TMEM229B: variants seen among roughly 807,000 people sequenced by gnomAD.
TMEM229B encodes chromosome 14 open reading frame 83.
In TMEM229B, 6 loss-of-function variants were observed where a neutral mutation model predicts 13.7. The observed-to-expected ratio is 0.44, with a 90% CI of 0.24 to 0.86. The LOEUF (loss-of-function observed/expected upper bound fraction) is 0.86. Among genes scored for constraint, TMEM229B ranks in the 40% least tolerant of loss-of-function variants. The probability of loss-of-function intolerance (pLI) is 0.23; values close to 1 mark genes in which losing one functional copy is unlikely to be tolerated. For missense variants in TMEM229B, 170 were observed against 236.0 expected (o/e 0.72, Z 1.83); for synonymous variants, 107 against 102.1 (o/e 1.05, Z -0.29).
At chr14:67,477,209 G>A (rs2031270950) in intron 2 of TMEM229B, among the ~76,000 whole-genome samples, 1 of 151,376 alleles carries the variant, frequency 6.6e-6, no homozygotes, top group Non-Finnish European at 1.5e-5. Context: ...ATTTCCTAAT[G>A]AAACACAACA....
chr14:67,470,734 G>A lies in TMEM229B; in HGVS notation c.*2686C>T, dbSNP rs1177534191. The A allele has an allele frequency of 1.3e-5, 2 of 152,448 alleles. No individual in the cohort carries two copies. Among genetic ancestry groups the A allele is most frequent in the African/African-American group, 4.9e-5 (2 of 41,160 alleles). The allele number at this position is 152,448 out of a possible 1,614,324, so 9.4% of individuals were successfully genotyped here. On this transcript the variant is annotated 3_prime_UTR_variant, in exon 3 of 3. Transcript: ENST00000554480. Reference sequence around the variant, plus strand: ...CTCACTGGCATTGAAGAGGGGACAGGGCACATGGGATGCCTAGCAGATGTC... The same window carrying A: ...CTCACTGGCATTGAAGAGGGGACAGAGCACATGGGATGCCTAGCAGATGTC...
rs2030882687 is a variant in TMEM229B at position 67,473,195 on chromosome 14, A to G, written c.*225T>C. ...CCCTGAACTGGGCCGCGATCCATGGACCCTTCCCAATGTCCCTCTGCTGCC... is the reference window on the plus strand; with the variant it reads ...CCCTGAACTGGGCCGCGATCCATGGGCCCTTCCCAATGTCCCTCTGCTGCC... On this transcript the variant is annotated 3_prime_UTR_variant, in exon 3 of 3. Transcript: ENST00000554480. This position sits in a 1 kb window ranked among gnomAD's most constrained non-coding sequence, Gnocchi z 6.5. 8.4e-6 allele frequency: 5 copies of G among 595,200 alleles called. No individual in the cohort carries two copies. In the South Asian group the frequency reaches 1.0e-4, roughly 12 times the overall value. The allele number at this position is 595,200 out of a possible 1,614,324, so 36.9% of individuals were successfully genotyped here.
At chr14:67,527,363 G>A (rs1265517478) in intron 1 of TMEM229B, among the ~76,000 whole-genome samples, 2 of 152,108 alleles carry the variant, frequency 1.3e-5, no homozygotes, top group African/African-American at 4.8e-5. Context: ...GTTTCAGCTC[G>A]GGAGCCGGAG....
chr14:67,532,264 G>C (rs998174991), intron 1 of TMEM229B, among the ~76,000 whole-genome samples: 26 of 152,310 alleles, frequency 1.7e-4, no homozygotes, highest in Middle Eastern at 3.4e-3. Context: ...TGGTGCCTGG[G>C]ATGAGTCTTC....
chr14:67,497,828 G>A (rs2032452165), intron 1 of TMEM229B, among the ~76,000 whole-genome samples: 1 of 151,942 alleles, frequency 6.6e-6, no homozygotes, highest in African/African-American at 2.4e-5. Context: ...TGTATCTTGT[G>A]GGTGTTTGTG....
Position 67,472,900 on chromosome 14 carries a change from T to C in TMEM229B, c.*520A>G. The C allele has an allele frequency of 6.1e-6, 1 of 163,986 alleles. No homozygotes were observed. The highest frequency in any genetic ancestry group is 5.7e-5 in the Admixed American group (1 of 17,678). 10.2% of individuals were successfully genotyped at this position (163,986 alleles called of 1,614,324 possible). A position where few individuals can be genotyped will look rare whatever the true frequency, so the allele number is the denominator to read the frequency against. ...TCTCCCAGCCCTTGCAGACCAGCGT[T>C]GCTGCCACGCAGCCTCCTGGCTGCC... On this transcript the variant is annotated 3_prime_UTR_variant, in exon 3 of 3. Coordinates refer to ENST00000554480, the MANE Select transcript of TMEM229B (RefSeq NM_001348543.2).
chr14:67,507,262 T>C (rs531190555), intron 1 of TMEM229B, among the ~76,000 whole-genome samples: 2 of 151,980 alleles, frequency 1.3e-5, no homozygotes, highest in South Asian at 2.1e-4. Context: ...AGTGGGAGGA[T>C]TGCTTGAACC....
At chr14:67,530,248 T>C (rs1380773592) in intron 1 of TMEM229B, among the ~76,000 whole-genome samples, 3 of 152,238 alleles carry the variant, frequency 2.0e-5, no homozygotes, top group African/African-American at 7.2e-5. Flanking sequence ...ACTATCTCAT[T>C]TAATCATTTC....
upstream of TMEM229B, among the ~76,000 whole-genome samples, chr14:67,490,784 T>A (rs1468980210): frequency 6.6e-6 from 1 of 151,780 alleles, no homozygotes; most frequent in Non-Finnish European, 1.5e-5. Flanking sequence ...TTACCCCCAC[T>A]CTCCTTTTCC....
intron 1 of TMEM229B, among the ~76,000 whole-genome samples, chr14:67,523,580 C>T (rs909692754): frequency 2.6e-5 from 4 of 152,204 alleles, no homozygotes; most frequent in Non-Finnish European, 4.4e-5. Flanking sequence ...TCTACACCTC[C>T]ACGCAGAGGA....
At chr14:67,514,053 A>G (rs553334399) in intron 1 of TMEM229B, among the ~76,000 whole-genome samples, 1 of 152,226 alleles carries the variant, frequency 6.6e-6, no homozygotes, top group Non-Finnish European at 1.5e-5. Context: ...AGCCACAGCA[A>G]TAGCTCACTT....
At chr14:67,497,943 T>A (rs904918871) in intron 1 of TMEM229B, among the ~76,000 whole-genome samples, 13 of 152,154 alleles carry the variant, frequency 8.5e-5, no homozygotes, top group African/African-American at 3.1e-4. Flanking sequence ...GAATACATAA[T>A]GATGTATTGC....
Position 67,473,629 on chromosome 14 carries a change from T to G in TMEM229B, c.295A>C (p.Asn99His). The G allele has an allele frequency of 3.8e-6, 6 of 1,587,416 alleles. No individual in the cohort carries two copies. Among genetic ancestry groups the G allele is most frequent in the Non-Finnish European group, 5.1e-6 (6 of 1,166,892 alleles). The change falls in exon 3 of 3, where the codon AAC (asparagine) becomes CAC (histidine). Residue 99 changes from asparagine (N) to histidine (H), a missense_variant. Physicochemically the swap from Asn to His is moderately conservative, Grantham distance 68. Coordinates refer to ENST00000554480, the MANE Select transcript of TMEM229B (RefSeq NM_001348543.2). This position sits in a 1 kb window ranked among gnomAD's most constrained non-coding sequence, Gnocchi z 6.5. ...TGGGAGTAGTCCCAGGGGCAGGCGTTGAACTGGCGCAGGATGAAGCCGGTG... is the reference window on the plus strand; with the variant it reads ...TGGGAGTAGTCCCAGGGGCAGGCGTGGAACTGGCGCAGGATGAAGCCGGTG... ...FTTGFILRQF[N>H]ACPWDYSQFD...
chr14:67,470,825 G>C lies in TMEM229B; in HGVS notation c.*2595C>G, dbSNP rs750852948. ...TAACTCAGAGATGCTGCCATGTCTA[G>C]TGGAGAGAGGCCCAGGACACCAGAG... is the stretch of plus-strand genomic sequence containing the variant. On this transcript the variant is annotated 3_prime_UTR_variant, in exon 3 of 3. Coordinates refer to ENST00000554480, the MANE Select transcript of TMEM229B (RefSeq NM_001348543.2). 1 of 152,720 alleles carries C rather than the reference G, an allele frequency of 6.5e-6. No homozygotes were observed. Among genetic ancestry groups the C allele is most frequent in the Non-Finnish European group, 1.5e-5 (1 of 68,148 alleles). 9.5% of individuals were successfully genotyped at this position (152,720 alleles called of 1,614,324 possible).
At chr14:67,488,245 G>T (rs1374516989) in intron 1 of TMEM229B, among the ~76,000 whole-genome samples, 1 of 152,374 alleles carries the variant, frequency 6.6e-6, no homozygotes, top group African/African-American at 2.4e-5. Flanking sequence ...GACCACCAGG[G>T]TCTCTGAGTA....
rs1186097459 is a variant in TMEM229B, at chr14:67,473,470, C to G, written c.454G>C (p.Glu152Gln). 1.9e-6 allele frequency: 3 copies of G among 1,614,054 alleles called. No individual in the cohort carries two copies. Among genetic ancestry groups the G allele is most frequent in the Non-Finnish European group, 2.5e-6 (3 of 1,180,044 alleles). The change falls in exon 3 of 3, where the codon GAG becomes CAG. Residue 152 changes from glutamate to glutamine, a missense_variant. By Grantham distance (29) the Glu-to-Gln change is conservative (BLOSUM62 2). Coordinates refer to ENST00000554480, the MANE Select transcript of TMEM229B (RefSeq NM_001348543.2). This position sits in a 1 kb window ranked among gnomAD's most constrained non-coding sequence, Gnocchi z 6.5. ...LRFDKDAEPG[E>Q]PSGALALANG... is the part of the protein sequence containing the mutation. ...GCCAGGGCTAGGGCGCCGCTGGGCT[C>G]CCCGGGCTCAGCGTCCTTGTCGAAG...
intron 1 of TMEM229B, among the ~76,000 whole-genome samples, chr14:67,529,942 A>T (rs1055822919): frequency 1.3e-5 from 2 of 152,000 alleles, no homozygotes; most frequent in Non-Finnish European, 2.9e-5. Flanking sequence ...GGAGGAGGGG[A>T]TCCCTTGATT....
Position 67,523,876 on chromosome 14 carries a change from G to T in TMEM229B, c.-192+9760C>A, listed in dbSNP as rs185421473. On this transcript the variant is annotated intron_variant, in intron 1 of 2. Coordinates refer to the TMEM229B transcript ENST00000554278. ...TCATATCCATGGGCAGTAATGTCAGGTATAGAGCTGTGACCTCTCTAGGGA... is the reference window on the plus strand; with the variant it reads ...TCATATCCATGGGCAGTAATGTCAGTTATAGAGCTGTGACCTCTCTAGGGA... Among the ~76,000 whole-genome samples, 529 of 151,972 alleles carry T rather than the reference G, an allele frequency of 3.5e-3. 1 individual carries two copies. Among genetic ancestry groups the T allele is most frequent in the African/African-American group, 0.012 (499 of 41,444 alleles).
intron 1 of TMEM229B, among the ~76,000 whole-genome samples, chr14:67,504,351 T>C (rs1478768403): frequency 2.0e-5 from 3 of 152,194 alleles, no homozygotes; most frequent in Admixed American, 1.3e-4. Flanking sequence ...ATAAGTACGT[T>C]CCTCATGAGG....
Sources: gnomAD v4.1 joint callset for allele counts (sites outside exome capture counted in the v4.1 genomes callset) on GRCh38, gnomAD v4.1.1 for gene constraint, Gnocchi (gnomAD v3.1) non-coding constraint, MANE v1.5 for transcripts, NCBI Gene and HGNC (gene_info 2026-07-23, HGNC 2026-07-21) for gene names.